Variants in TYR observed in about 807,000 individuals in gnomAD.
TYR encodes the protein LB24-AB.
Under a neutral mutation model 51.5 loss-of-function variants are expected in TYR, and 58 were observed. That is an observed-to-expected ratio of 1.13 (90% CI 0.91 to 1.40). The LOEUF is 1.40. TYR is among the 40% of genes most tolerant of loss of function. The pLI, the probability that TYR is intolerant of heterozygous loss-of-function variation, is 0.00. For missense variants in TYR, 732 were observed against 647.4 expected (o/e 1.13, Z -1.42); for synonymous variants, 263 against 235.2 (o/e 1.12, Z -1.08).
intron 3 of TYR, among the ~76,000 whole-genome samples, chr11:89,246,258 C>T (rs1944266278): frequency 6.6e-6 from 1 of 152,128 alleles, no homozygotes; most frequent in South Asian, 2.1e-4. Context: ...GTGATTATGT[C>T]CTGGGTCTGC....
chr11:89,271,103 A>G (rs1944583278), intron 3 of TYR, among the ~76,000 whole-genome samples: 1 of 151,882 alleles, frequency 6.6e-6, no homozygotes, highest in Non-Finnish European at 1.5e-5. Context: ...ATGGAAGAAA[A>G]ATCCCAAAAC....
intron 3 of TYR, among the ~76,000 whole-genome samples, chr11:89,274,971 C>G (rs1944635428): frequency 6.6e-6 from 1 of 151,774 alleles, no homozygotes; most frequent in African/African-American, 2.4e-5. Context: ...AGTTAGTCAT[C>G]ATAGATACAT....
At chr11:89,239,696 T>C (rs992587686) in intron 3 of TYR, among the ~76,000 whole-genome samples, 1 of 152,142 alleles carries the variant, frequency 6.6e-6, no homozygotes, top group South Asian at 2.1e-4. Flanking sequence ...ATATCCTTCT[T>C]AAAAATGCTT....
At chr11:89,226,699 T>C (rs1943982076) in intron 2 of TYR, among the ~76,000 whole-genome samples, 1 of 152,160 alleles carries the variant, frequency 6.6e-6, no homozygotes, top group Non-Finnish European at 1.5e-5. Flanking sequence ...GTTCTACTTG[T>C]ATGAAATAAA....
At chr11:89,284,138 T>A (rs1322272029) in intron 3 of TYR, among the ~76,000 whole-genome samples, 1 of 151,874 alleles carries the variant, frequency 6.6e-6, no homozygotes, top group African/African-American at 2.4e-5. Context: ...TGCTTATTTG[T>A]GTCACTATCT....
chr11:89,295,478 A>G lies in TYR; in HGVS notation c.*112A>G, dbSNP rs1944898551. The G allele has an allele frequency of 2.2e-5, 31 of 1,387,350 alleles. No individual in the cohort carries two copies. In the South Asian group the frequency reaches 3.6e-4, roughly 16 times the overall value. 85.9% of individuals were successfully genotyped at this position (1,387,350 alleles called of 1,614,324 possible). A position where few individuals can be genotyped will look rare whatever the true frequency, so the allele number is the denominator to read the frequency against. Reference sequence around the variant, plus strand: ...TATTTTTCTGTAAAGACCATTTGCAAAATTGTAACCTAATACAAAGTGTAG... The same window carrying G: ...TATTTTTCTGTAAAGACCATTTGCAGAATTGTAACCTAATACAAAGTGTAG... On this transcript the variant is annotated 3_prime_UTR_variant, in exon 5 of 5. Transcript: ENST00000263321.
intron 4 of TYR, among the ~76,000 whole-genome samples, chr11:89,285,637 A>T (rs756814395): frequency 8.6e-5 from 13 of 151,774 alleles, no homozygotes; most frequent in Non-Finnish European, 1.3e-4. Flanking sequence ...TTCTACCTGA[A>T]AGTCCACTAC....
intron 3 of TYR, among the ~76,000 whole-genome samples, chr11:89,258,665 A>C (rs1445263145): frequency 6.6e-6 from 1 of 152,150 alleles, no homozygotes; most frequent in African/African-American, 2.4e-5. Flanking sequence ...TGAATTTAAG[A>C]AAAACAAAGT....
chr11:89,205,674 C>G (rs953598079), intron 2 of TYR, among the ~76,000 whole-genome samples: 19 of 151,788 alleles, frequency 1.3e-4, no homozygotes, highest in Non-Finnish European at 2.5e-4. Flanking sequence ...TCAAGGTCTC[C>G]TCAGATGAAG....
intron 3 of TYR, among the ~76,000 whole-genome samples, chr11:89,245,237 A>C (rs1944249075): frequency 6.6e-6 from 1 of 152,232 alleles, no homozygotes; most frequent in Non-Finnish European, 1.5e-5. Context: ...AATAGTTACA[A>C]CATTACAAAA....
intron 3 of TYR, among the ~76,000 whole-genome samples, chr11:89,244,638 G>A (rs1201489986): frequency 3.3e-5 from 5 of 152,112 alleles, no homozygotes; most frequent in Admixed American, 1.3e-4. Flanking sequence ...GCTAGATGGT[G>A]CACCTTCGAT....
At chr11:89,278,639 A>T (rs1164358217) in intron 3 of TYR, among the ~76,000 whole-genome samples, 1 of 151,632 alleles carries the variant, frequency 6.6e-6, no homozygotes, top group Admixed American at 6.6e-5. Context: ...AATGTTGTGA[A>T]GATAGAACGG....
chr11:89,250,202 A>G (rs1377561677), intron 3 of TYR, among the ~76,000 whole-genome samples: 1 of 152,060 alleles, frequency 6.6e-6, no homozygotes, highest in Non-Finnish European at 1.5e-5. Flanking sequence ...GGAAAGAACT[A>G]TAGTGTCATG....
chr11:89,197,340 C>A (rs530439212), intron 2 of TYR, among the ~76,000 whole-genome samples: 1 of 152,192 alleles, frequency 6.6e-6, no homozygotes, highest in East Asian at 1.9e-4. Context: ...GTTCACAAAT[C>A]CCTACAGAAT....
At chr11:89,291,821 A>G (rs1265604675) in intron 4 of TYR, among the ~76,000 whole-genome samples, 1 of 151,886 alleles carries the variant, frequency 6.6e-6, no homozygotes, top group Non-Finnish European at 1.5e-5. Flanking sequence ...CATCAAGTTT[A>G]TCTTTGGAGT....
intron 3 of TYR, among the ~76,000 whole-genome samples, chr11:89,275,584 A>G (rs1944644745): frequency 6.6e-6 from 1 of 151,960 alleles, no homozygotes; most frequent in Admixed American, 6.6e-5. Flanking sequence ...GGAAAACTTT[A>G]GCCAAATTAA....
chr11:89,265,506 A>G (rs1944515283), intron 3 of TYR, among the ~76,000 whole-genome samples: 1 of 152,100 alleles, frequency 6.6e-6, no homozygotes, highest in Non-Finnish European at 1.5e-5. Flanking sequence ...GAAAATAGAT[A>G]ATAAGTAATC....
intron 2 of TYR, chr11:89,200,615 A>T (rs902880633): frequency 9.2e-5 from 14 of 151,660 alleles, no homozygotes; most frequent in Non-Finnish European, 1.5e-4. Context: ...TAAAAAATTA[A>T]TTTGTTATGT....
At chr11:89,202,202 G>T (rs1295110375) in intron 2 of TYR, among the ~76,000 whole-genome samples, 1 of 151,726 alleles carries the variant, frequency 6.6e-6, no homozygotes, top group Admixed American at 6.6e-5. Context: ...TATTTTTGTG[G>T]GGGCAGGGTA....
Sources: allele counts gnomAD v4.1 joint callset (sites outside exome capture counted in the v4.1 genomes callset), GRCh38; gene constraint gnomAD v4.1.1; transcripts MANE v1.5; gene names NCBI Gene and HGNC (gene_info 2026-07-23, HGNC 2026-07-21).